The following SNX29 variants were observed in gnomAD, a reference collection of about 807,000 sequenced individuals.
SNX29 encodes the protein sorting nexin 29, also known as sorting nexin-29.
SNX29 carries 78 observed loss-of-function variants against 102.1 expected under a neutral mutation model. The observed-to-expected ratio is 0.76, with a 90% confidence interval of 0.64 to 0.92. SNX29 has a LOEUF of 0.92. Among genes scored for constraint, SNX29 ranks in the 40% least tolerant of loss-of-function variants. The probability of loss-of-function intolerance (pLI) is 0.00; values close to 1 mark genes in which losing one functional copy is unlikely to be tolerated. For synonymous variants in SNX29, 580 were observed against 414.5 expected (o/e 1.40, Z -4.85); for missense variants, 1,280 against 1,061.7 (o/e 1.21, Z -2.86).
chr16:12,082,226 G>A (rs1221539031), intron 11 of SNX29, among the ~76,000 whole-genome samples: 1 of 151,884 alleles, frequency 6.6e-6, no homozygotes, highest in African/African-American at 2.4e-5. Context: ...TTAAAGGACA[G>A]CAGCCCCGAG....
At chr16:12,479,431 A>T (rs2087805001) in intron 19 of SNX29, among the ~76,000 whole-genome samples, 2 of 151,264 alleles carry the variant, frequency 1.3e-5, no homozygotes, top group Non-Finnish European at 3.0e-5. Context: ...ATTTCTATGT[A>T]TAAAACAGAT....
chr16:12,562,640 T>C (rs1442986778), intron 20 of SNX29, among the ~76,000 whole-genome samples: 3 of 152,296 alleles, frequency 2.0e-5, no homozygotes, highest in African/African-American at 7.2e-5. Flanking sequence ...GGGTCTTCCC[T>C]GAGGGGCTGT....
chr16:12,562,918 A>G (rs765063989), intron 20 of SNX29, among the ~76,000 whole-genome samples: 1 of 152,178 alleles, frequency 6.6e-6, no homozygotes, highest in Non-Finnish European at 1.5e-5. Context: ...AGATTCGTCC[A>G]TGTTGCCAAA....
chr16:12,090,530 C>G (rs1221100584), intron 11 of SNX29, among the ~76,000 whole-genome samples: 1 of 152,130 alleles, frequency 6.6e-6, no homozygotes, highest in Non-Finnish European at 1.5e-5. Context: ...CATTTGGTAG[C>G]TCCCCAAGGG....
chr16:12,440,742 C>T (rs190806920), intron 18 of SNX29, among the ~76,000 whole-genome samples: 2 of 152,116 alleles, frequency 1.3e-5, no homozygotes, highest in Non-Finnish European at 2.9e-5. Flanking sequence ...GCCTCTACCC[C>T]CATCCATGTC....
intron 20 of SNX29, among the ~76,000 whole-genome samples, chr16:12,554,543 T>A (rs1567187865): frequency 6.6e-6 from 1 of 152,224 alleles, no homozygotes; most frequent in East Asian, 1.9e-4. Flanking sequence ...CCCACGTTTT[T>A]GTGAACTTGT....
At chr16:12,358,496 G>T (rs543144901) in intron 16 of SNX29, among the ~76,000 whole-genome samples, 1 of 152,260 alleles carries the variant, frequency 6.6e-6, no homozygotes, top group South Asian at 2.1e-4. Flanking sequence ...TTGAACCCAG[G>T]TCAGAATCTC....
At chr16:12,078,475 A>G (rs1005528043) in intron 10 of SNX29, among the ~76,000 whole-genome samples, 1 of 152,210 alleles carries the variant, frequency 6.6e-6, no homozygotes, top group Non-Finnish European at 1.5e-5. Flanking sequence ...AAAACATGGC[A>G]GTAAATAGAC....
chr16:12,009,220 G>A (rs58115771), intron 3 of SNX29, among the ~76,000 whole-genome samples: 2,890 of 152,062 alleles, frequency 0.019, 80 homozygotes, highest in African/African-American at 0.065. Context: ...TCCTTACACC[G>A]AAAAAAAGCT....
intron 16 of SNX29, among the ~76,000 whole-genome samples, chr16:12,359,281 G>A (rs1288095935): frequency 6.6e-6 from 1 of 152,182 alleles, no homozygotes; most frequent in Non-Finnish European, 1.5e-5. Context: ...CGTCTTTGTT[G>A]ATGGTTGTGG....
chr16:12,041,992 A>G (rs1481479907), intron 4 of SNX29, among the ~76,000 whole-genome samples: 2 of 152,118 alleles, frequency 1.3e-5, no homozygotes, highest in Non-Finnish European at 2.9e-5. Flanking sequence ...AGTCATTTTT[A>G]TTTTTGATAT....
chr16:12,275,881 G>GTTT (rs34099498), intron 14 of SNX29, among the ~76,000 whole-genome samples: 2,570 of 103,942 alleles, frequency 0.025, 59 homozygotes, highest in African/African-American at 0.074. Context: ...CATTTTAATT[G>GTTT]TTTTTTTTTT....
chr16:12,472,420 G>A (rs2087390140), intron 18 of SNX29, among the ~76,000 whole-genome samples: 1 of 151,566 alleles, frequency 6.6e-6, no homozygotes, highest in African/African-American at 2.4e-5. Flanking sequence ...TCAGGAAGCT[G>A]AGGCGGGAGA....
At chr16:12,317,880 A>T (rs1350644350) in intron 15 of SNX29, among the ~76,000 whole-genome samples, 2 of 152,246 alleles carry the variant, frequency 1.3e-5, no homozygotes, top group Non-Finnish European at 2.9e-5. Context: ...TAATGCAAGT[A>T]AAGCATTCAG....
intron 14 of SNX29, among the ~76,000 whole-genome samples, chr16:12,253,726 G>A (rs2078488183): frequency 6.6e-6 from 1 of 152,174 alleles, no homozygotes; most frequent in Non-Finnish European, 1.5e-5. Context: ...AGGCAGGGAG[G>A]CTGGCCGCAG....
chr16:12,024,261 C>T (rs552002869), intron 3 of SNX29, among the ~76,000 whole-genome samples: 5 of 152,024 alleles, frequency 3.3e-5, no homozygotes, highest in Non-Finnish European at 7.4e-5. Flanking sequence ...GCCTCAGCCT[C>T]CAGAGTAGCT....
At chr16:12,210,240 A>G (rs1469026077) in intron 14 of SNX29, among the ~76,000 whole-genome samples, 2 of 151,826 alleles carry the variant, frequency 1.3e-5, no homozygotes, top group South Asian at 2.1e-4. Flanking sequence ...CAGGAGGCAC[A>G]TGCCTTTACT....
chr16:12,198,217 G>A (rs2076826874), intron 13 of SNX29, among the ~76,000 whole-genome samples: 1 of 152,154 alleles, frequency 6.6e-6, no homozygotes, highest in East Asian at 1.9e-4. Flanking sequence ...GTTACCATGG[G>A]AAAGTGTTGA....
chr16:12,503,788 T>C (rs2089240476), intron 19 of SNX29, among the ~76,000 whole-genome samples: 1 of 152,204 alleles, frequency 6.6e-6, no homozygotes, highest in Non-Finnish European at 1.5e-5. Flanking sequence ...CAATACCCGC[T>C]GCAGAAAGAG....
Sources: gnomAD v4.1 joint callset for allele counts (sites outside exome capture counted in the v4.1 genomes callset) on GRCh38, gnomAD v4.1.1 for gene constraint, MANE v1.5 for transcripts, NCBI Gene and HGNC (gene_info 2026-07-23, HGNC 2026-07-21) for gene names.